Variants in MAST2 observed in about 807,000 individuals in gnomAD.
MAST2 encodes microtubule associated serine/threonine kinase 2.
MAST2 carries 70 observed loss-of-function variants against 147.4 expected under a neutral mutation model. The observed-to-expected ratio is 0.47, with a 90% CI of 0.39 to 0.58. MAST2 has a LOEUF of 0.58. MAST2 is among the 20% of genes least tolerant of loss of function. The pLI, the probability that MAST2 is intolerant of heterozygous loss-of-function variation, is 0.00. For synonymous variants in MAST2, 869 were observed against 896.8 expected, an observed-to-expected ratio of 0.97 and a Z score of 0.55; for missense variants, 2,080 against 2,302.3, an observed-to-expected ratio of 0.90 and a Z score of 1.98.
intron 5 of MAST2, among the ~76,000 whole-genome samples, chr1:45,987,789 T>TGA (rs1644704967): frequency 7.0e-6 from 1 of 142,898 alleles, no homozygotes; most frequent in Non-Finnish European, 1.5e-5. Flanking sequence ...TTTTTTTTTT[T>TGA]TTTTTTTTTT....
Position 45,872,270 on chromosome 1 carries a change from C to A in MAST2, c.469-10094C>A, listed in dbSNP as rs114764160. On this transcript the variant is annotated intron_variant, in intron 3 of 28. Coordinates refer to ENST00000361297, the MANE Select transcript of MAST2 (RefSeq NM_015112.3). ...GGCATAGACAGCTTTGACCCATAGT[C>A]ATCTCCACGCTGGTGACTGTTGACA... Among the ~76,000 whole-genome samples the A allele has an allele frequency of 1.9e-3, 284 of 152,304 alleles. 1 individual carries two copies. Among genetic ancestry groups the A allele is most frequent in the African/African-American group, 6.4e-3 (266 of 41,564 alleles).
At chr1:45,987,762 G>GTTTTTTTTTTTTTTTGGTTTTTTTTTTTT (rs11462786) in intron 5 of MAST2, among the ~76,000 whole-genome samples, 1 of 62,734 alleles carries the variant, frequency 1.6e-5, no homozygotes, top group African/African-American at 6.6e-5. Flanking sequence ...AGCATTTCTT[G>GTTTTTTTTTTTTTTTGGTTTTTTTTTTTT]TTTTTTTTTT....
chr1:45,916,774 G>C (rs552235706), intron 4 of MAST2, among the ~76,000 whole-genome samples: 101 of 152,242 alleles, frequency 6.6e-4, no homozygotes, highest in African/African-American at 2.4e-3. Flanking sequence ...GGTTTGCCCA[G>C]AAACCAATTC....
intron 3 of MAST2, among the ~76,000 whole-genome samples, chr1:45,872,414 T>G (rs995573670): frequency 6.6e-6 from 1 of 152,110 alleles, no homozygotes; most frequent in Non-Finnish European, 1.5e-5. Flanking sequence ...ATGGCTTTAG[T>G]CATTGTGAAT....
chr1:45,926,973 C>T (rs1461081071), intron 4 of MAST2, among the ~76,000 whole-genome samples: 2 of 152,048 alleles, frequency 1.3e-5, no homozygotes, highest in Admixed American at 6.5e-5. Flanking sequence ...TCCTAAGCGT[C>T]GGCTGGCTTG....
chr1:45,938,034 A>G (rs1270688878), intron 4 of MAST2, among the ~76,000 whole-genome samples: 2 of 152,144 alleles, frequency 1.3e-5, no homozygotes, highest in Non-Finnish European at 2.9e-5. Flanking sequence ...GTTCTGTATT[A>G]TGTGCTGCTA....
At chr1:45,899,975 G>A (rs1268342876) in intron 4 of MAST2, among the ~76,000 whole-genome samples, 2 of 151,558 alleles carry the variant, frequency 1.3e-5, no homozygotes, top group Non-Finnish European at 2.9e-5. Flanking sequence ...TTCAAGAACA[G>A]CCTGGCCAAC....
chr1:45,837,569 G>A (rs1645140221), intron 3 of MAST2, among the ~76,000 whole-genome samples: 1 of 152,136 alleles, frequency 6.6e-6, no homozygotes. Context: ...GAGCTGCTGT[G>A]AAAGTTCATA....
chr1:45,843,148 G>T (rs1316952932), intron 3 of MAST2, among the ~76,000 whole-genome samples: 20 of 151,438 alleles, frequency 1.3e-4, no homozygotes, highest in Non-Finnish European at 2.5e-4. Context: ...TTTTTTTGTT[G>T]TTTTAAGTTT....
At chr1:45,920,891 A>G (rs1191032691) in intron 4 of MAST2, among the ~76,000 whole-genome samples, 2 of 152,050 alleles carry the variant, frequency 1.3e-5, no homozygotes, top group Admixed American at 6.6e-5. Context: ...AATCTGTTTT[A>G]TAGATGAAGA....
At chr1:46,025,654 A>G (rs758400703) in intron 15 of MAST2, 23 bp from the exon 16 acceptor site, 18 of 1,613,724 alleles carry the variant, frequency 1.1e-5, no homozygotes, top group East Asian at 2.2e-5. Flanking sequence ...TCCTTTCCTC[A>G]TGGTAGCCTG....
intron 4 of MAST2, among the ~76,000 whole-genome samples, chr1:45,952,065 A>T (rs543819106): frequency 1.3e-5 from 2 of 152,400 alleles, no homozygotes; most frequent in African/African-American, 4.8e-5. Context: ...AAAAGAGCTC[A>T]GCAAGAAAGT....
intron 4 of MAST2, among the ~76,000 whole-genome samples, chr1:45,934,046 G>A (rs1655803139): frequency 1.3e-5 from 2 of 151,990 alleles, no homozygotes; most frequent in South Asian, 4.1e-4. Flanking sequence ...CCAATAGGTA[G>A]TTTTTCAGTT....
intron 4 of MAST2, among the ~76,000 whole-genome samples, chr1:45,955,187 A>G (rs1659477295): frequency 6.7e-6 from 1 of 149,992 alleles, no homozygotes; most frequent in African/African-American, 2.4e-5. Context: ...TGCAAAATAT[A>G]TACCATCATA....
At chr1:45,982,919 G>T (rs1450520648) in intron 5 of MAST2, among the ~76,000 whole-genome samples, 1 of 152,174 alleles carries the variant, frequency 6.6e-6, no homozygotes, top group Non-Finnish European at 1.5e-5. Flanking sequence ...TTGAGGTAGT[G>T]TCAGAATAGC....
rs567042012 is a variant in MAST2 at position 46,008,426 on chromosome 1, G to T, written c.978+55G>T. On this transcript the variant is annotated intron_variant, in intron 9 of 28. Coordinates refer to ENST00000361297, the MANE Select transcript of MAST2 (RefSeq NM_015112.3). ...ATACCCCTCCGGGTGGCTGCCTACA[G>T]CCAGCCCCAATGGGAGACTCTGGAG... 2.5e-5 allele frequency: 30 copies of T among 1,194,136 alleles called. No individual in the cohort carries two copies. In the African/African-American group the frequency reaches 3.1e-4, roughly 13 times the overall value. The allele number at this position is 1,194,136 out of a possible 1,614,324, so 74.0% of individuals were successfully genotyped here.
At chr1:45,842,046 A>T (rs1038677095) in intron 3 of MAST2, among the ~76,000 whole-genome samples, 2 of 152,166 alleles carry the variant, frequency 1.3e-5, no homozygotes, top group Non-Finnish European at 2.9e-5. Context: ...TTTTCAGATA[A>T]GGAGTTTTGT....
chr1:46,022,052 C>T lies in MAST2; in HGVS notation c.1393C>T (p.Gln465Ter), dbSNP rs1292058247. The T allele has an allele frequency of 6.2e-7, 1 of 1,614,154 alleles. No individual in the cohort carries two copies. The highest frequency in any genetic ancestry group is 8.5e-7 in the Non-Finnish European group (1 of 1,180,010). Reference protein sequence around the residue: ...KCDIPRYIVSQLGLTRDPLEE... With the variant: ...KCDIPRYIVS ...TGACATTCCCCGCTACATCGTTAGC[C>T]AGCTGGGCCTCACCCGGGATCCCCT... The change falls in exon 12 of 29, where the codon CAG becomes TAG. Residue 465 changes from glutamine to a stop codon, truncating the protein, a stop_gained. Coordinates refer to ENST00000361297, the MANE Select transcript of MAST2 (RefSeq NM_015112.3). LOFTEE classifies it high-confidence loss of function.
chr1:45,882,047 C>A (rs1646873517), intron 3 of MAST2, among the ~76,000 whole-genome samples: 1 of 108,668 alleles, frequency 9.2e-6, no homozygotes, highest in Non-Finnish European at 1.9e-5. Context: ...AAAAAATTAG[C>A]CAGGCGTGGT....
Sources: allele counts gnomAD v4.1 joint callset (sites outside exome capture counted in the v4.1 genomes callset), GRCh38; gene constraint gnomAD v4.1.1; transcripts MANE v1.5; gene names NCBI Gene and HGNC (gene_info 2026-07-23, HGNC 2026-07-21).